Variants in NRXN3 observed in about 807,000 individuals in gnomAD.
NRXN3 encodes the protein neurexin 3.
A neutral mutation model predicts 137.6 loss-of-function variants in NRXN3; 32 were observed. That is an observed-to-expected ratio of 0.23 (90% CI 0.18 to 0.31). The LOEUF is 0.31. Ranked by LOEUF, NRXN3 falls within the 10% of genes least tolerant of loss-of-function variation. NRXN3 has a pLI of 1.00. For synonymous variants in NRXN3, 798 were observed against 784.5 expected (o/e 1.02, Z -0.29); for missense variants, 1,574 against 2,062.5 (o/e 0.76, Z 4.59).
At chr14:78,405,502 T>C (rs1055164885) in intron 4 of NRXN3, among the ~76,000 whole-genome samples, 1 of 151,980 alleles carries the variant, frequency 6.6e-6, no homozygotes, top group East Asian at 1.9e-4. Context: ...CTATTATCAC[T>C]GATCATTCCC....
intron 15 of NRXN3, among the ~76,000 whole-genome samples, chr14:79,253,760 T>A (rs1381852530): frequency 6.6e-6 from 1 of 152,190 alleles, no homozygotes; most frequent in Non-Finnish European, 1.5e-5. Flanking sequence ...TCACTCACTA[T>A]CATGAGAACA....
At chr14:79,736,668 G>T (rs764400855) in intron 19 of NRXN3, among the ~76,000 whole-genome samples, 2 of 152,214 alleles carry the variant, frequency 1.3e-5, no homozygotes, top group African/African-American at 4.8e-5. Context: ...GGCTGTGAAG[G>T]CCCCAAGTTC....
intron 15 of NRXN3, among the ~76,000 whole-genome samples, chr14:79,011,772 C>T (rs898948934): frequency 1.3e-5 from 2 of 152,060 alleles, no homozygotes; most frequent in Non-Finnish European, 2.9e-5. Flanking sequence ...ATGAGATCGC[C>T]CCGGAATGTA....
At chr14:78,919,243 T>G (rs2099264641) in intron 10 of NRXN3, among the ~76,000 whole-genome samples, 1 of 152,240 alleles carries the variant, frequency 6.6e-6, no homozygotes, top group Admixed American at 6.5e-5. Context: ...TTACAGATAA[T>G]TGGCTAATTA....
At chr14:78,992,317 A>C (rs1044633071) in intron 15 of NRXN3, among the ~76,000 whole-genome samples, 32 of 152,172 alleles carry the variant, frequency 2.1e-4, no homozygotes, top group African/African-American at 7.0e-4. Context: ...AAACATTTAA[A>C]ATTGAGGGAG....
chr14:79,508,900 T>C (rs1174546769), intron 16 of NRXN3, among the ~76,000 whole-genome samples: 1 of 152,062 alleles, frequency 6.6e-6, no homozygotes, highest in Admixed American at 6.6e-5. Flanking sequence ...CTGTAATCAA[T>C]AATAATGCTA....
intron 16 of NRXN3, among the ~76,000 whole-genome samples, chr14:79,593,112 TA>T (rs2097823190): frequency 6.6e-6 from 1 of 152,150 alleles, no homozygotes; most frequent in Admixed American, 6.5e-5. Flanking sequence ...GTTCATATCT[TA>T]GCCCCTTTTC....
chr14:78,335,548 T>C (rs528397179), intron 4 of NRXN3, among the ~76,000 whole-genome samples: 1 of 152,348 alleles, frequency 6.6e-6, no homozygotes, highest in East Asian at 1.9e-4. Flanking sequence ...AATATATTAA[T>C]TACTAGTATC....
chr14:79,400,312 T>C (rs1024823238), intron 15 of NRXN3, among the ~76,000 whole-genome samples: 2 of 152,152 alleles, frequency 1.3e-5, no homozygotes, highest in African/African-American at 4.8e-5. Context: ...TAGGCATAGG[T>C]CCGACCATTG....
chr14:79,625,032 C>T (rs977823784), intron 16 of NRXN3, among the ~76,000 whole-genome samples: 1 of 152,054 alleles, frequency 6.6e-6, no homozygotes, highest in Non-Finnish European at 1.5e-5. Flanking sequence ...CTCCTGAGCT[C>T]AAGTGATTCT....
intron 6 of NRXN3, among the ~76,000 whole-genome samples, chr14:78,662,430 A>G (rs1191025289): frequency 6.6e-6 from 1 of 152,062 alleles, no homozygotes; most frequent in Non-Finnish European, 1.5e-5. Context: ...AAGAAGAGAA[A>G]CTAAGTCTAG....
chr14:79,525,656 A>G (rs778772718), intron 16 of NRXN3, among the ~76,000 whole-genome samples: 32 of 152,144 alleles, frequency 2.1e-4, no homozygotes, highest in Non-Finnish European at 4.1e-4. Flanking sequence ...ATTGCGTGGT[A>G]TTCATTTTCC....
intron 4 of NRXN3, among the ~76,000 whole-genome samples, chr14:78,574,859 A>T (rs1171878142): frequency 6.6e-6 from 1 of 152,230 alleles, no homozygotes; most frequent in Non-Finnish European, 1.5e-5. Context: ...ACCGCACAAG[A>T]ATTATTACAA....
At chr14:78,440,208 T>C (rs2094198941) in intron 4 of NRXN3, among the ~76,000 whole-genome samples, 1 of 152,212 alleles carries the variant, frequency 6.6e-6, no homozygotes, top group African/African-American at 2.4e-5. Context: ...ATTTGTTTAT[T>C]TTGTATGAAG....
intron 16 of NRXN3, among the ~76,000 whole-genome samples, chr14:79,552,456 G>T (rs908207310): frequency 2.6e-5 from 4 of 152,124 alleles, no homozygotes; most frequent in Admixed American, 1.3e-4. Context: ...AGGGTGTGTA[G>T]GGATGAAGGG....
At chr14:79,246,545 T>C (rs964638997) in intron 15 of NRXN3, 12 of 152,202 alleles carry the variant, frequency 7.9e-5, no homozygotes, top group African/African-American at 2.9e-4. Flanking sequence ...TCTCCAAACA[T>C]GTGAACAGCC....
intron 9 of NRXN3, among the ~76,000 whole-genome samples, chr14:78,808,971 C>T (rs1046722714): frequency 1.3e-5 from 2 of 152,088 alleles, no homozygotes; most frequent in South Asian, 2.1e-4. Flanking sequence ...AAAATCATTT[C>T]GCTTCTACCT....
chr14:79,158,471 A>G (rs2060461281), intron 15 of NRXN3, among the ~76,000 whole-genome samples: 1 of 151,802 alleles, frequency 6.6e-6, no homozygotes, highest in African/African-American at 2.4e-5. Flanking sequence ...AAGAAATATT[A>G]TTTGGAAGAT....
chr14:78,951,941 G>C (rs1340324759), intron 10 of NRXN3, among the ~76,000 whole-genome samples: 1 of 152,092 alleles, frequency 6.6e-6, no homozygotes, highest in African/African-American at 2.4e-5. Flanking sequence ...CAGTCTCAAT[G>C]GTATGTTTGC....
Sources: gnomAD v4.1 joint callset for allele counts (sites outside exome capture counted in the v4.1 genomes callset) on GRCh38, gnomAD v4.1.1 for gene constraint, MANE v1.5 for transcripts, NCBI Gene and HGNC (gene_info 2026-07-23, HGNC 2026-07-21) for gene names.